The following FAM53A variants were observed in gnomAD, a reference collection of about 807,000 sequenced individuals.
FAM53A encodes protein FAM53A.
FAM53A carries 28 observed loss-of-function variants against 26.6 expected under a neutral mutation model. That is an observed-to-expected ratio of 1.05 (90% CI 0.78 to 1.45). The LOEUF (loss-of-function observed/expected upper bound fraction) is 1.45, where lower values mean the gene tolerates loss of function less well. Among genes scored for constraint, FAM53A ranks in the 40% most tolerant of loss-of-function variants. The pLI, the probability that FAM53A is intolerant of heterozygous loss-of-function variation, is 0.00. For synonymous variants in FAM53A, 290 were observed against 253.1 expected (o/e 1.15, Z -1.38); for missense variants, 650 against 575.8 (o/e 1.13, Z -1.32).
In FAM53A at chr4:1,634,727, G is replaced by T. The variant is rs573902622; in HGVS notation, c.432-16616C>A. Among the ~76,000 whole-genome samples, 17 of 151,942 alleles carry T rather than the reference G, an allele frequency of 1.1e-4. No individual in the cohort carries two copies. The East Asian group carries it at 3.3e-3, about 29-fold the overall frequency. On this transcript the variant is annotated intron_variant, in intron 1 of 1. Coordinates refer to the FAM53A transcript ENST00000489029. ...AGCCTGGCCAACATGGTGAAACCCCGTCTCTACTAAAAACACAAAAAAATT... is the reference window on the plus strand; with the variant it reads ...AGCCTGGCCAACATGGTGAAACCCCTTCTCTACTAAAAACACAAAAAAATT...
the FAM53A span, among the ~76,000 whole-genome samples, chr4:1,611,560 T>C: frequency 1.3e-5 from 2 of 152,234 alleles, no homozygotes; most frequent in African/African-American, 4.8e-5. Flanking sequence ...AAAGGCCACA[T>C]GTAGCCCCTG....
At chr4:1,622,914 G>A (rs887582109) in intron 1 of FAM53A, among the ~76,000 whole-genome samples, 5 of 152,216 alleles carry the variant, frequency 3.3e-5, no homozygotes, top group African/African-American at 7.2e-5. Flanking sequence ...ACACGCACAC[G>A]GCCAGCATGA....
rs1337632051 is a variant in FAM53A, at chr4:1,652,249, A to G, written c.882+2729T>C. Among the ~76,000 whole-genome samples the G allele has an allele frequency of 6.2e-5, 9 of 144,578 alleles. No homozygotes were observed. In the East Asian group the frequency reaches 1.9e-3, roughly 30 times the overall value. 94.8% of individuals were successfully genotyped at this position (144,578 alleles called of 152,430 possible). A position where few individuals can be genotyped will look rare whatever the true frequency, so the allele number is the denominator to read the frequency against. ...CACACTAGTCGCACACACACCACACACACCACACGCCAGACACCGCATACA... is the reference window on the plus strand; with the variant it reads ...CACACTAGTCGCACACACACCACACGCACCACACGCCAGACACCGCATACA... On this transcript the variant is annotated intron_variant, in intron 4 of 4. Transcript: ENST00000308132.
chr4:1,600,380 G>A, the FAM53A span, among the ~76,000 whole-genome samples: 1 of 152,110 alleles, frequency 6.6e-6, no homozygotes, highest in Non-Finnish European at 1.5e-5. Flanking sequence ...GAACCAGAAA[G>A]CCATGTCTAT....
At chr4:1,652,835 C>G in intron 4 of FAM53A, among the ~76,000 whole-genome samples, 1 of 147,152 alleles carries the variant, frequency 6.8e-6, no homozygotes, top group Non-Finnish European at 1.5e-5. Context: ...CCACCACACA[C>G]CACACGCTAC....
chr4:1,627,922 C>G (rs1715381995), intron 1 of FAM53A, among the ~76,000 whole-genome samples: 1 of 151,358 alleles, frequency 6.6e-6, no homozygotes, highest in Non-Finnish European at 1.5e-5. Flanking sequence ...TGCCCGCAGG[C>G]AAGTCCCATC....
At chr4:1,586,668 A>AG in the FAM53A span, among the ~76,000 whole-genome samples, 3 of 151,648 alleles carry the variant, frequency 2.0e-5, no homozygotes, top group Non-Finnish European at 4.4e-5. Flanking sequence ...CTGTAGTCCC[A>AG]GCTACTCGGG....
intron 1 of FAM53A, among the ~76,000 whole-genome samples, chr4:1,626,198 G>A (rs1249045148): frequency 2.0e-5 from 3 of 152,320 alleles, no homozygotes; most frequent in Admixed American, 6.5e-5. Context: ...AGCCAGGGGC[G>A]GTTGGCCCAG....
At position 1,631,880 on chromosome 4, in the gene FAM53A, C is replaced by T. The variant is rs570109581; in HGVS notation, c.432-13769G>A. Among the ~76,000 whole-genome samples the T allele has an allele frequency of 2.6e-4, 40 of 152,214 alleles. 1 individual carries two copies. In the South Asian group the frequency reaches 7.5e-3, roughly 28 times the overall value. ...TCACTTTTAAAAATTATCCAAGCCA[C>T]GGCCAGGCATGGTGGCTCACGCCTG... On this transcript the variant is annotated intron_variant, in intron 1 of 1. Transcript: ENST00000489029.
rs545751174 is a variant in FAM53A at position 1,641,322 on chromosome 4, G to A, written c.1168C>T (p.Leu390=). ...TTGTTCTCGATCTGCTCCAGGTCCA[G>A]CTCCCAGCGGGCCCGGGGGAAGACG... ...EGVFPRARWE[L]DLEQIENN is the part of the protein sequence containing the mutation. The change falls in exon 5 of 5, where the codon CTG becomes TTG. Residue 390 remains leucine (L), a synonymous_variant. Coordinates refer to ENST00000308132, the MANE Select transcript of FAM53A (RefSeq NM_001174070.3). 4.3e-6 allele frequency: 7 copies of A among 1,612,368 alleles called. No individual in the cohort carries two copies.
chr4:1,683,699 C>G (rs1715613235), intron 1 of FAM53A: 1 of 152,214 alleles, frequency 6.6e-6, no homozygotes, highest in South Asian at 2.1e-4. Context: ...CTCACGAGGC[C>G]ACTTAACACA....
At chr4:1,664,804 C>G (rs1714105605) in intron 2 of FAM53A, among the ~76,000 whole-genome samples, 1 of 151,516 alleles carries the variant, frequency 6.6e-6, no homozygotes, top group Non-Finnish European at 1.5e-5. Flanking sequence ...ATGGTGAAAC[C>G]CTGTCTCTAC....
intron 1 of FAM53A, among the ~76,000 whole-genome samples, chr4:1,632,163 C>CAA (rs33944808): frequency 0.025 from 2,683 of 107,246 alleles, 105 homozygotes; most frequent in African/African-American, 0.081. Flanking sequence ...GATTCCATCT[C>CAA]AAAAAAAAAA....
intron 2 of FAM53A, among the ~76,000 whole-genome samples, chr4:1,667,507 C>A (rs1714321216): frequency 1.3e-5 from 2 of 152,092 alleles, no homozygotes; most frequent in South Asian, 4.1e-4. Flanking sequence ...GAGTGCCAGG[C>A]CCCACAAGCA....
intron 1 of FAM53A, among the ~76,000 whole-genome samples, chr4:1,677,342 CGTGTCCCACGCTT>C (rs1244419734): frequency 6.6e-6 from 1 of 152,166 alleles, no homozygotes; most frequent in Non-Finnish European, 1.5e-5. Context: ...TCCTGGACTC[CGTGTCCCACGCTT>C]GCTGCTGTTG....
At chr4:1,667,439 C>T (rs924582753) in intron 2 of FAM53A, among the ~76,000 whole-genome samples, 2 of 152,336 alleles carry the variant, frequency 1.3e-5, no homozygotes, top group African/African-American at 2.4e-5. Flanking sequence ...CAGCCGGAAA[C>T]GTACTAATTA....
the FAM53A span, among the ~76,000 whole-genome samples, chr4:1,584,326 T>C: frequency 6.6e-6 from 1 of 152,256 alleles, no homozygotes. Flanking sequence ...ATTTAGGTCC[T>C]GAATCTCTTA....
chr4:1,661,539 C>T (rs375986918), intron 2 of FAM53A, among the ~76,000 whole-genome samples: 8 of 152,176 alleles, frequency 5.3e-5, no homozygotes, highest in East Asian at 1.9e-4. Context: ...GCTGCTGTCC[C>T]GGGCTCTCTG....
rs1713678379 is a variant in FAM53A at position 1,659,608 on chromosome 4, GACAA to G, written c.76-2144_76-2141del. Among the ~76,000 whole-genome samples, 1 of 152,324 alleles carries G rather than the reference GACAA, an allele frequency of 6.6e-6. No individual in the cohort carries two copies. Among genetic ancestry groups the G allele is most frequent in the Admixed American group, 6.5e-5 (1 of 15,302 alleles). On this transcript the variant is annotated intron_variant, in intron 2 of 4. Coordinates refer to ENST00000308132, the MANE Select transcript of FAM53A (RefSeq NM_001174070.3). The surrounding 1 kb of genome is among the most constrained non-coding windows in gnomAD (Gnocchi z 5.2). ...GGCCGTGTGGGATGTGGGTGCAGCAGACAAACAGAGCCAGGGTCCCCGGGAGACA... is the reference window on the plus strand; with the variant it reads ...GGCCGTGTGGGATGTGGGTGCAGCAGACAGAGCCAGGGTCCCCGGGAGACA...
Sources: allele counts gnomAD v4.1 joint callset (sites outside exome capture counted in the v4.1 genomes callset), GRCh38; gene constraint gnomAD v4.1.1; non-coding constraint Gnocchi (gnomAD v3.1); transcripts MANE v1.5; gene names NCBI Gene and HGNC (gene_info 2026-07-23, HGNC 2026-07-21).